The following CNST variants were observed in gnomAD, a reference collection of about 807,000 sequenced individuals.
The protein encoded by CNST is consortin.
Under a neutral mutation model 72.4 loss-of-function variants are expected in CNST, and 39 were observed. The ratio of observed to expected loss-of-function variants is 0.54; its 90% CI spans 0.42 to 0.70. CNST has a LOEUF of 0.70. CNST is among the 30% of genes least tolerant of loss of function. CNST has a pLI of 0.00. For missense variants in CNST, 871 were observed against 868.5 expected (o/e 1.00, Z -0.04); for synonymous variants, 332 against 320.1 (o/e 1.04, Z -0.40).
intron 2 of CNST, chr1:246,605,879 C>G (rs1662744471): frequency 6.6e-6 from 1 of 151,228 alleles, no homozygotes; most frequent in Non-Finnish European, 1.5e-5. Context: ...CTTCCTGCTT[C>G]TGCTTCTCGC....
At chr1:246,567,535 T>TA (rs1659793706) in intron 1 of CNST, among the ~76,000 whole-genome samples, 2 of 152,188 alleles carry the variant, frequency 1.3e-5, no homozygotes, top group Admixed American at 1.3e-4. Context: ...ACTGAGAGTG[T>TA]AATTGAGTTT....
rs575590152 is a variant in CNST at position 246,594,851 on chromosome 1, A to T, written c.379+2910A>T. 2.0e-5 allele frequency among the ~76,000 whole-genome samples: 3 copies of T among 152,310 alleles called. No homozygotes were observed. The South Asian group carries it at 6.2e-4, about 32-fold the overall frequency. Reference sequence around the variant, plus strand: ...CCAGGTCACTTGGTGAGACTGAAGCAGTCTCTACCTTGTTGTTGTCGTCTG... The same window carrying T: ...CCAGGTCACTTGGTGAGACTGAAGCTGTCTCTACCTTGTTGTTGTCGTCTG... On this transcript the variant is annotated intron_variant, in intron 2 of 10. Coordinates refer to ENST00000366513, the MANE Select transcript of CNST (RefSeq NM_152609.3).
In CNST at chr1:246,667,425, GTT is replaced by G. The variant is rs1273230758; in HGVS notation, c.*1524_*1525del. On this transcript the variant is annotated 3_prime_UTR_variant, in exon 11 of 11. Coordinates refer to ENST00000366513, the MANE Select transcript of CNST (RefSeq NM_152609.3). ...ATTTTCTATAATTTCAGTTCCGCGT[GTT>G]TTTACACTTGTTCATTTTAAATTGA... 6.6e-6 allele frequency: 1 copy of G among 151,998 alleles called. No individual in the cohort carries two copies. The highest frequency in any genetic ancestry group is 1.5e-5 in the Non-Finnish European group (1 of 67,998). The allele number at this position is 151,998 out of a possible 1,614,324, so 9.4% of individuals were successfully genotyped here.
At position 246,579,186 on chromosome 1, in the gene CNST, G is replaced by A. The variant is rs190249657; in HGVS notation, c.-51-12326G>A. ...AGCTGTTTGTGTTAACATAAAATTAGCATCTCTCTTCCATCCTCACCTTTA... is the reference window on the plus strand; with the variant it reads ...AGCTGTTTGTGTTAACATAAAATTAACATCTCTCTTCCATCCTCACCTTTA... On this transcript the variant is annotated intron_variant, in intron 1 of 10. Coordinates refer to ENST00000366513, the MANE Select transcript of CNST (RefSeq NM_152609.3). Among the ~76,000 whole-genome samples the A allele has an allele frequency of 5.6e-4, 86 of 152,214 alleles. 1 individual carries two copies. Among genetic ancestry groups the A allele is most frequent in the African/African-American group, 2.0e-3 (83 of 41,538 alleles).
At position 246,651,774 on chromosome 1, in the gene CNST, A is replaced by G. The variant is rs182863051; in HGVS notation, c.1836+3737A>G. On this transcript the variant is annotated intron_variant, in intron 9 of 10. Coordinates refer to ENST00000366513, the MANE Select transcript of CNST (RefSeq NM_152609.3). The stretch of plus-strand genomic sequence containing the variant: ...AGCATGACACGTTATCATCAAAAGT[A>G]TAGTTTATACTGTATACTGTTTTTA... 5.4e-4 allele frequency among the ~76,000 whole-genome samples: 82 copies of G among 152,358 alleles called. No individual in the cohort carries two copies. In the East Asian group the frequency reaches 0.013, roughly 25 times the overall value.
chr1:246,586,670 C>T (rs147816736), intron 1 of CNST, among the ~76,000 whole-genome samples: 11 of 151,892 alleles, frequency 7.2e-5, no homozygotes, highest in East Asian at 1.9e-4. Flanking sequence ...TCTAATGGGG[C>T]GGTTATATAG....
intron 8 of CNST, among the ~76,000 whole-genome samples, chr1:246,644,176 G>A (rs139367157): frequency 0.013 from 1,993 of 152,120 alleles, 50 homozygotes; most frequent in Admixed American, 0.066. Flanking sequence ...CGAGGCGGGC[G>A]GTTCACGAGG....
intron 1 of CNST, among the ~76,000 whole-genome samples, chr1:246,579,523 CT>C (rs1469075959): frequency 1.3e-5 from 2 of 152,204 alleles, no homozygotes; most frequent in African/African-American, 4.8e-5. Flanking sequence ...AATCCCAACA[CT>C]TTGGGAGGCC....
chr1:246,589,528 C>T (rs10218439), intron 1 of CNST, among the ~76,000 whole-genome samples: 1 of 151,656 alleles, frequency 6.6e-6, no homozygotes, highest in South Asian at 2.1e-4. Flanking sequence ...TGGACATTTG[C>T]GTTGGTTCCA....
intron 9 of CNST, among the ~76,000 whole-genome samples, chr1:246,658,453 AT>A (rs976406524): frequency 6.6e-6 from 1 of 151,810 alleles, no homozygotes; most frequent in African/African-American, 2.4e-5. Flanking sequence ...AAAGAAAAGA[AT>A]ATATTGTTGG....
chr1:246,597,584 G>A (rs1661971850), intron 2 of CNST, among the ~76,000 whole-genome samples: 1 of 152,204 alleles, frequency 6.6e-6, no homozygotes, highest in Non-Finnish European at 1.5e-5. Flanking sequence ...ATGGAAACTG[G>A]GAAGGGAAGA....
chr1:246,601,897 T>G (rs946602697), intron 2 of CNST, among the ~76,000 whole-genome samples: 2 of 152,212 alleles, frequency 1.3e-5, no homozygotes, highest in Non-Finnish European at 2.9e-5. Flanking sequence ...TGGAATGGAA[T>G]GGAGAGAGCA....
At chr1:246,571,615 A>T (rs1188903353) in intron 1 of CNST, among the ~76,000 whole-genome samples, 1 of 152,192 alleles carries the variant, frequency 6.6e-6, no homozygotes, top group Admixed American at 6.5e-5. Flanking sequence ...AATACTGACA[A>T]ATCAAGATGA....
At chr1:246,615,879 C>CA (rs559404201) in intron 2 of CNST, among the ~76,000 whole-genome samples, 3,048 of 138,652 alleles carry the variant, frequency 0.022, 38 homozygotes, top group Non-Finnish European at 0.033. Context: ...AACTCCATCT[C>CA]AAAAAAAAAA....
chr1:246,646,520 G>A (rs907880530), intron 8 of CNST, among the ~76,000 whole-genome samples: 2 of 151,960 alleles, frequency 1.3e-5, no homozygotes, highest in Non-Finnish European at 2.9e-5. Context: ...TGCTCTTGTT[G>A]CCCAGGCTGG....
At chr1:246,600,468 C>G (rs1042953130) in intron 2 of CNST, among the ~76,000 whole-genome samples, 1 of 152,034 alleles carries the variant, frequency 6.6e-6, no homozygotes, top group Non-Finnish European at 1.5e-5. Context: ...TAACATCTGC[C>G]AGAGATGCTG....
At chr1:246,615,006 A>G (rs1471151633) in intron 2 of CNST, among the ~76,000 whole-genome samples, 2 of 152,196 alleles carry the variant, frequency 1.3e-5, no homozygotes, top group Admixed American at 6.5e-5. Flanking sequence ...AAAGGATACT[A>G]CTATATTGTT....
rs764703142 is a variant in CNST, at chr1:246,660,365, T to C, written c.1972+31T>C. On this transcript the variant is annotated intron_variant, in intron 10 of 10. Coordinates refer to ENST00000366513, the MANE Select transcript of CNST (RefSeq NM_152609.3). Reference sequence around the variant, plus strand: ...CCGCTTGGCACTGTGGCTAGCAGGATAGATGCTCAGTGTTTGCTGAAAGGA... The same window carrying C: ...CCGCTTGGCACTGTGGCTAGCAGGACAGATGCTCAGTGTTTGCTGAAAGGA... 12 of 1,599,016 alleles carry C rather than the reference T, an allele frequency of 7.5e-6. No individual in the cohort carries two copies. In the South Asian group the frequency reaches 1.2e-4, roughly 17 times the overall value.
chr1:246,627,930 A>AT (rs1664543964), intron 3 of CNST, among the ~76,000 whole-genome samples: 5 of 151,550 alleles, frequency 3.3e-5, no homozygotes, highest in Admixed American at 6.6e-5. Flanking sequence ...TTATATATAT[A>AT]AAGGGGAGTT....
Sources: gnomAD v4.1 joint callset for allele counts (sites outside exome capture counted in the v4.1 genomes callset) on GRCh38, gnomAD v4.1.1 for gene constraint, MANE v1.5 for transcripts, NCBI Gene and HGNC (gene_info 2026-07-23, HGNC 2026-07-21) for gene names.